Variants in ZRANB1 observed in about 807,000 individuals in gnomAD.
The protein encoded by ZRANB1 is ubiquitin thioesterase ZRANB1.
A neutral mutation model predicts 80.5 loss-of-function variants in ZRANB1; 16 were observed. The observed-to-expected ratio is 0.20, with a 90% confidence interval of 0.13 to 0.30. ZRANB1 has a LOEUF of 0.30. ZRANB1 is among the 10% of genes least tolerant of loss of function. ZRANB1 has a pLI of 1.00. For synonymous variants in ZRANB1, 291 were observed against 293.1 expected (o/e 0.99, Z 0.07); for missense variants, 576 against 862.6 (o/e 0.67, Z 4.16).
At chr10:124,929,686 G>A in the ZRANB1 span, among the ~76,000 whole-genome samples, 1 of 151,572 alleles carries the variant, frequency 6.6e-6, no homozygotes, top group African/African-American at 2.4e-5. Flanking sequence ...CGTGGCTCAT[G>A]CCTGTAATCC....
the ZRANB1 span, chr10:124,917,368 C>G: frequency 2.6e-5 from 4 of 151,008 alleles, no homozygotes; most frequent in East Asian, 7.8e-4. Context: ...TGTCCGCCCG[C>G]CCGGCGCCCC....
At chr10:124,931,220 C>T in the ZRANB1 span, among the ~76,000 whole-genome samples, 1 of 152,154 alleles carries the variant, frequency 6.6e-6, no homozygotes, top group East Asian at 1.9e-4. Context: ...AGGCGTGTGC[C>T]ACCATACCGG....
chr10:124,972,989 G>A (rs1951839780), intron 3 of ZRANB1, among the ~76,000 whole-genome samples: 1 of 151,872 alleles, frequency 6.6e-6, no homozygotes, highest in Non-Finnish European at 1.5e-5. Flanking sequence ...TATTACTCAG[G>A]CTAGATCTCA....
At chr10:124,984,519 A>G (rs1951988576) in intron 8 of ZRANB1, 1 of 430,256 alleles carries the variant, frequency 2.3e-6, no homozygotes, top group South Asian at 5.2e-5. Context: ...TTTTTATTTT[A>G]TCTAACAAAT....
chr10:124,982,062 G>A (rs2133997431), intron 6 of ZRANB1, among the ~76,000 whole-genome samples: 1 of 75,880 alleles, frequency 1.3e-5, no homozygotes, highest in Middle Eastern at 6.3e-3. Flanking sequence ...TCACTGCAGA[G>A]CAGGAAGAGT....
intron 1 of ZRANB1, among the ~76,000 whole-genome samples, chr10:124,954,145 T>G (rs1645410509): frequency 7.3e-6 from 1 of 136,734 alleles, no homozygotes; most frequent in South Asian, 2.4e-4. Flanking sequence ...TTCCTGTTTT[T>G]TTTTTTTTTT....
chr10:124,930,747 A>T, the ZRANB1 span, among the ~76,000 whole-genome samples: 9 of 152,344 alleles, frequency 5.9e-5, no homozygotes, highest in South Asian at 1.5e-3. Context: ...TTAAAAGATT[A>T]ATCATGGCTA....
chr10:124,986,444 A>C lies in ZRANB1; in HGVS notation c.*1452A>C, dbSNP rs1457408144. 2 of 152,296 alleles carry C rather than the reference A, an allele frequency of 1.3e-5. No homozygotes were observed. The highest frequency in any genetic ancestry group is 6.6e-5 in the Admixed American group (1 of 15,266). The allele number at this position is 152,296 out of a possible 1,614,324, so 9.4% of individuals were successfully genotyped here. A position where few individuals can be genotyped will look rare whatever the true frequency, so the allele number is the denominator to read the frequency against. On this transcript the variant is annotated 3_prime_UTR_variant, in exon 9 of 9. Coordinates refer to ENST00000359653, the MANE Select transcript of ZRANB1 (RefSeq NM_017580.3). ...TCAAATTTGCTGCCAGAATACTAAA[A>C]ATAGAAAAATACCCACAAAACTGTC...
the ZRANB1 span, among the ~76,000 whole-genome samples, chr10:124,924,619 G>T: frequency 1.8e-4 from 28 of 152,002 alleles, no homozygotes; most frequent in African/African-American, 6.0e-4. Context: ...TACTTCCAAG[G>T]TTTATGTTGT....
At chr10:124,936,158 G>A in the ZRANB1 span, among the ~76,000 whole-genome samples, 1 of 152,136 alleles carries the variant, frequency 6.6e-6, no homozygotes, top group Non-Finnish European at 1.5e-5. Flanking sequence ...TGTGTGGCAT[G>A]TTTGGGAGTG....
chr10:124,928,341 G>A, the ZRANB1 span, among the ~76,000 whole-genome samples: 1 of 152,144 alleles, frequency 6.6e-6, no homozygotes, highest in Admixed American at 6.6e-5. Flanking sequence ...CCTTCCCCTG[G>A]GGCTGGGAAT....
chr10:124,961,282 A>G (rs1951732393), intron 1 of ZRANB1, among the ~76,000 whole-genome samples: 3 of 152,218 alleles, frequency 2.0e-5, no homozygotes, highest in Admixed American at 6.5e-5. Flanking sequence ...CTAGGATTAC[A>G]GGCGTGAGCC....
At chr10:124,932,202 T>C in the ZRANB1 span, among the ~76,000 whole-genome samples, 1 of 152,144 alleles carries the variant, frequency 6.6e-6, no homozygotes, top group African/African-American at 2.4e-5. Flanking sequence ...AGTTTATCCA[T>C]TCACCCACTG....
rs1204506916 is a variant in ZRANB1, at chr10:124,954,290, T to G, written c.814+10983T>G. Among the ~76,000 whole-genome samples, 4 of 151,648 alleles carry G rather than the reference T, an allele frequency of 2.6e-5. No individual in the cohort carries two copies. In the East Asian group the frequency reaches 7.8e-4, roughly 29 times the overall value. ...CGTGAGCCACGGTGCCTGGCCCCTT[T>G]TTTCTTAATACATTGTTTTACGTAT... On this transcript the variant is annotated intron_variant, in intron 1 of 8. Transcript: ENST00000359653.
At chr10:124,981,913 G>T in intron 6 of ZRANB1, 84 bp downstream of exon 6, 2 of 1,527,642 alleles carry the variant, frequency 1.3e-6, no homozygotes, top group Non-Finnish European at 1.8e-6. Flanking sequence ...ACCATGTTGG[G>T]GGCAATGTGG....
At chr10:124,920,355 C>T in the ZRANB1 span, among the ~76,000 whole-genome samples, 16 of 152,110 alleles carry the variant, frequency 1.1e-4, no homozygotes, top group Admixed American at 8.5e-4. Flanking sequence ...ATTTGTGCTC[C>T]ACTTATGCCT....
At position 124,986,291 on chromosome 10, in the gene ZRANB1, G is replaced by GCGCACA. The variant is rs879175826; in HGVS notation, c.*1300_*1301insGCACAC. The GCGCACA allele has an allele frequency of 8.6e-5, 10 of 116,020 alleles. No homozygotes were observed. Among genetic ancestry groups the GCGCACA allele is most frequent in the African/African-American group, 3.3e-4 (10 of 30,496 alleles). The allele number at this position is 116,020 out of a possible 1,614,324, so 7.2% of individuals were successfully genotyped here. ...AGACGACACACGCACGCGCGCGCGC[G>GCGCACA]CACACACACACACACACACACACAC... On this transcript the variant is annotated 3_prime_UTR_variant, in exon 9 of 9. Coordinates refer to ENST00000359653, the MANE Select transcript of ZRANB1 (RefSeq NM_017580.3).
the ZRANB1 span, among the ~76,000 whole-genome samples, chr10:124,928,549 C>T: frequency 5.9e-5 from 9 of 152,080 alleles, no homozygotes; most frequent in Non-Finnish European, 8.8e-5. Flanking sequence ...TTATTGGGCA[C>T]CTCCTATGTG....
At chr10:124,955,118 C>CT (rs1477470031) in intron 1 of ZRANB1, among the ~76,000 whole-genome samples, 1 of 151,702 alleles carries the variant, frequency 6.6e-6, no homozygotes, top group African/African-American at 2.4e-5. Context: ...CACGGAGACT[C>CT]TGTCTCAAAA....
Sources: allele counts gnomAD v4.1 joint callset (sites outside exome capture counted in the v4.1 genomes callset), GRCh38; gene constraint gnomAD v4.1.1; transcripts MANE v1.5; gene names NCBI Gene and HGNC (gene_info 2026-07-23, HGNC 2026-07-21).